The following CEP128 variants were observed in gnomAD, a reference collection of about 807,000 sequenced individuals.
CEP128 encodes centrosomal protein 128, also known as centrosomal protein 128kDa.
Under a neutral mutation model 156.7 loss-of-function variants are expected in CEP128, and 132 were observed. The observed-to-expected ratio is 0.84, with a 90% confidence interval of 0.73 to 0.97. The LOEUF is 0.97. CEP128 is among the 50% of genes least tolerant of loss of function. The probability of loss-of-function intolerance (pLI) is 0.00; values close to 1 mark genes in which losing one functional copy is unlikely to be tolerated. For missense variants in CEP128, 1,252 were observed against 1,281.9 expected (o/e 0.98, Z 0.36); for synonymous variants, 469 against 448.9 (o/e 1.04, Z -0.57).
rs141674270 is a variant in CEP128 at position 80,919,998 on chromosome 14, G to C, written c.-15-3436C>G. ...TTTTTTTAAGCATATGAAACATTCA[G>C]CAACTATCTAAGGACTTTAATTACC... On this transcript the variant is annotated intron_variant, in intron 2 of 24. Coordinates refer to ENST00000555265, the MANE Select transcript of CEP128 (RefSeq NM_152446.5). Among the ~76,000 whole-genome samples the C allele has an allele frequency of 1.6e-4, 24 of 152,194 alleles. No homozygotes were observed. In the East Asian group the frequency reaches 4.1e-3, roughly 26 times the overall value.
At chr14:80,678,616 G>C (rs1468828420) in intron 19 of CEP128, among the ~76,000 whole-genome samples, 1 of 152,192 alleles carries the variant, frequency 6.6e-6, no homozygotes, top group Non-Finnish European at 1.5e-5. Context: ...GACTCAAACA[G>C]CTGGTAACAG....
chr14:80,725,146 G>A (rs1055355026), intron 19 of CEP128, among the ~76,000 whole-genome samples: 6 of 149,302 alleles, frequency 4.0e-5, no homozygotes, highest in Non-Finnish European at 7.4e-5. Context: ...TTCAATTCTC[G>A]AGTTTAGGTT....
intron 19 of CEP128, among the ~76,000 whole-genome samples, chr14:80,596,716 G>T (rs920563500): frequency 2.2e-5 from 3 of 135,440 alleles, no homozygotes; most frequent in African/African-American, 9.0e-5. Flanking sequence ...GGGAGGCTGA[G>T]GCAGAAGGAT....
At chr14:80,736,000 T>C (rs984894777) in intron 19 of CEP128, among the ~76,000 whole-genome samples, 4 of 152,202 alleles carry the variant, frequency 2.6e-5, no homozygotes, top group Non-Finnish European at 4.4e-5. Flanking sequence ...CCTTTTGCCA[T>C]GTAAGGTAAC....
intron 19 of CEP128, among the ~76,000 whole-genome samples, chr14:80,742,396 T>C (rs1398274515): frequency 6.6e-6 from 1 of 152,152 alleles, no homozygotes; most frequent in Non-Finnish European, 1.5e-5. Context: ...CAACGTCTTT[T>C]GCATTTGTTG....
At chr14:80,939,835 G>T (rs1312515155) in intron 1 of CEP128, among the ~76,000 whole-genome samples, 1 of 152,126 alleles carries the variant, frequency 6.6e-6, no homozygotes, top group Non-Finnish European at 1.5e-5. Context: ...AAAGTACTAT[G>T]TATGAGCATG....
intron 20 of CEP128, among the ~76,000 whole-genome samples, chr14:80,567,007 G>A (rs1890943488): frequency 6.6e-6 from 1 of 152,136 alleles, no homozygotes; most frequent in South Asian, 2.1e-4. Flanking sequence ...CTTGTTGCCT[G>A]ATTTTCAACC....
At chr14:80,899,625 T>C (rs1409560316) in intron 7 of CEP128, among the ~76,000 whole-genome samples, 1 of 152,178 alleles carries the variant, frequency 6.6e-6, no homozygotes, top group Non-Finnish European at 1.5e-5. Context: ...AGCGAGTCGG[T>C]CTTTGTGTCT....
exon 15 of CEP128, chr14:80,478,197 G>A (rs1403988857): frequency 6.6e-6 from 1 of 152,170 alleles, no homozygotes. Flanking sequence ...ACTGGCTGGA[G>A]TGTAGAAACA....
intron 20 of CEP128, among the ~76,000 whole-genome samples, chr14:80,560,296 G>A (rs539963675): frequency 3.9e-5 from 6 of 152,038 alleles, no homozygotes; most frequent in East Asian, 1.9e-4. Context: ...GCGGTGCCGC[G>A]TGCCTGTAAT....
chr14:80,779,082 A>G (rs936580287), intron 15 of CEP128, among the ~76,000 whole-genome samples: 1 of 152,244 alleles, frequency 6.6e-6, no homozygotes, highest in Admixed American at 6.5e-5. Flanking sequence ...CAATATCATT[A>G]GGTTTTAAAA....
intron 19 of CEP128, among the ~76,000 whole-genome samples, chr14:80,732,156 A>G (rs1055071814): frequency 6.6e-6 from 1 of 152,156 alleles, no homozygotes; most frequent in African/African-American, 2.4e-5. Flanking sequence ...AGGAAACAAG[A>G]GATTAAAACC....
chr14:80,702,653 G>C (rs1172800935), intron 19 of CEP128, among the ~76,000 whole-genome samples: 1 of 152,186 alleles, frequency 6.6e-6, no homozygotes, highest in African/African-American at 2.4e-5. Flanking sequence ...CTAAGGCACA[G>C]AGAGGTTGAG....
At chr14:80,888,138 T>C (rs541987808) in intron 8 of CEP128, among the ~76,000 whole-genome samples, 7 of 152,220 alleles carry the variant, frequency 4.6e-5, no homozygotes, top group East Asian at 1.9e-4. Flanking sequence ...CAGTAATTAA[T>C]AGCCTACCAA....
intron 19 of CEP128, among the ~76,000 whole-genome samples, chr14:80,630,960 A>G (rs1893936568): frequency 6.6e-6 from 1 of 152,042 alleles, no homozygotes; most frequent in African/African-American, 2.4e-5. Flanking sequence ...CAACTGTAAA[A>G]GAAAACATGC....
intron 23 of CEP128, among the ~76,000 whole-genome samples, chr14:80,505,627 T>A (rs1887935708): frequency 6.6e-6 from 1 of 152,190 alleles, no homozygotes; most frequent in South Asian, 2.1e-4. Context: ...ATTTACTAAA[T>A]GAAAATGAAC....
chr14:80,867,595 C>A (rs111250592), intron 8 of CEP128, among the ~76,000 whole-genome samples: 55 of 151,266 alleles, frequency 3.6e-4, no homozygotes, highest in African/African-American at 1.3e-3. Flanking sequence ...TGAATAATTC[C>A]AGAGCAATCT....
chr14:80,906,075 CTT>C lies in CEP128; in HGVS notation c.239_240del (p.Lys80ArgfsTer33). The stretch of plus-strand genomic sequence containing the variant: ...TGGTCGATTGATTGTTCCAAGCTTT[CTT>C]TTAACTAATTTAAAGAATATAATGA... ...NGQAGAIEHL[K>X]ESLEQSIDQL... On this transcript the variant is annotated frameshift_variant, in exon 5 of 25. Coordinates refer to ENST00000555265, the MANE Select transcript of CEP128 (RefSeq NM_152446.5). LOFTEE classifies it high-confidence loss of function. 1 of 1,591,912 alleles carries C rather than the reference CTT, an allele frequency of 6.3e-7. No homozygotes were observed. Among genetic ancestry groups the C allele is most frequent in the Admixed American group, 1.9e-5 (1 of 53,062 alleles).
At chr14:80,772,510 T>C (rs900957489) in intron 16 of CEP128, among the ~76,000 whole-genome samples, 2 of 152,108 alleles carry the variant, frequency 1.3e-5, no homozygotes, top group African/African-American at 2.4e-5. Context: ...CATGCGTGAA[T>C]TGATTCTTCC....
Sources: allele counts gnomAD v4.1 joint callset (sites outside exome capture counted in the v4.1 genomes callset), GRCh38; gene constraint gnomAD v4.1.1; transcripts MANE v1.5; gene names NCBI Gene and HGNC (gene_info 2026-07-23, HGNC 2026-07-21).